Variants in FCHSD2 observed in about 807,000 individuals in gnomAD.
FCHSD2 encodes FCH and double SH3 domains 2, also known as F-BAR and double SH3 domains protein 2.
A neutral mutation model predicts 108.1 loss-of-function variants in FCHSD2; 38 were observed. The observed-to-expected ratio is 0.35, with a 90% CI of 0.27 to 0.46. The LOEUF (loss-of-function observed/expected upper bound fraction) is 0.46, where lower values mean the gene tolerates loss of function less well. FCHSD2 is among the 20% of genes least tolerant of loss of function. FCHSD2 has a pLI of 1.00. For missense variants in FCHSD2, 751 were observed against 897.8 expected (o/e 0.84, Z 2.09); for synonymous variants, 279 against 314.7 (o/e 0.89, Z 1.20).
chr11:73,101,283 T>G (rs1049370408), intron 2 of FCHSD2, among the ~76,000 whole-genome samples: 18 of 152,194 alleles, frequency 1.2e-4, no homozygotes, highest in African/African-American at 4.3e-4. Context: ...GCAAATCAGA[T>G]AAGTGCTAGA....
At chr11:72,915,956 T>G (rs117085272) in intron 9 of FCHSD2, among the ~76,000 whole-genome samples, 3,375 of 152,216 alleles carry the variant, frequency 0.022, 62 homozygotes, top group Middle Eastern at 0.034. Context: ...CTTAGCAAAC[T>G]AATGTAGGAA....
chr11:73,087,542 T>G (rs1305180967), intron 2 of FCHSD2, among the ~76,000 whole-genome samples: 1 of 151,778 alleles, frequency 6.6e-6, no homozygotes, highest in Non-Finnish European at 1.5e-5. Context: ...CCATCTCTAC[T>G]AAACATACAA....
intron 3 of FCHSD2, among the ~76,000 whole-genome samples, chr11:73,035,177 TGTATGTATGTATGTATGTATGTATGTAC>T (rs1364282912): frequency 2.0e-4 from 26 of 132,758 alleles, no homozygotes; most frequent in African/African-American, 6.1e-4. Context: ...TATGTATGTA[TGTATGTATGTATGTATGTATGTATGTAC>T]GTACTAAGAC....
At chr11:73,123,061 A>G (rs981766708) in intron 2 of FCHSD2, among the ~76,000 whole-genome samples, 95 of 152,350 alleles carry the variant, frequency 6.2e-4, no homozygotes, top group African/African-American at 2.1e-3. Context: ...TACATAGGTG[A>G]AGGATAAATC....
intron 2 of FCHSD2, among the ~76,000 whole-genome samples, chr11:73,102,742 T>G (rs568317288): frequency 2.6e-5 from 4 of 152,336 alleles, no homozygotes; most frequent in South Asian, 4.1e-4. Context: ...TGATAATGCA[T>G]CAAGAGCTTC....
chr11:73,055,032 T>C (rs1285877305), intron 3 of FCHSD2, among the ~76,000 whole-genome samples: 1 of 151,874 alleles, frequency 6.6e-6, no homozygotes, highest in East Asian at 1.9e-4. Flanking sequence ...CTCAAAATCA[T>C]GGGGGAAGGC....
At chr11:72,908,398 A>G (rs1365700994) in intron 9 of FCHSD2, among the ~76,000 whole-genome samples, 1 of 152,208 alleles carries the variant, frequency 6.6e-6, no homozygotes, top group Non-Finnish European at 1.5e-5. Flanking sequence ...GTGTATACCT[A>G]GCAGTGAGAT....
At chr11:73,127,629 G>C (rs1220801013) in intron 2 of FCHSD2, among the ~76,000 whole-genome samples, 1 of 152,114 alleles carries the variant, frequency 6.6e-6, no homozygotes, top group Non-Finnish European at 1.5e-5. Flanking sequence ...TCAACTTACA[G>C]GCCTCCTCAG....
chr11:72,899,790 T>C (rs1162243530), intron 10 of FCHSD2, among the ~76,000 whole-genome samples: 1 of 150,544 alleles, frequency 6.6e-6, no homozygotes, highest in Non-Finnish European at 1.5e-5. Context: ...TCTGGAATGA[T>C]TTTTTAAAAT....
chr11:72,850,001 C>G (rs1185162165), intron 13 of FCHSD2, 112 bp from the exon 14 acceptor site: 1 of 734,114 alleles, frequency 1.4e-6, no homozygotes, highest in Admixed American at 2.9e-5. Context: ...CCTTTTAACT[C>G]TGCATAGAAA....
At chr11:72,873,446 TTTA>T (rs1854905368) in intron 12 of FCHSD2, among the ~76,000 whole-genome samples, 1 of 152,230 alleles carries the variant, frequency 6.6e-6, no homozygotes, top group Admixed American at 6.5e-5. Context: ...TTTTTGCCTT[TTTA>T]TTATTATGAG....
chr11:72,932,210 G>A (rs556337846), intron 8 of FCHSD2, among the ~76,000 whole-genome samples: 2 of 152,152 alleles, frequency 1.3e-5, no homozygotes, highest in East Asian at 1.9e-4. Context: ...CCCTCCTCCT[G>A]ATCTCCACAG....
At chr11:72,915,002 A>C (rs961735139) in intron 9 of FCHSD2, among the ~76,000 whole-genome samples, 4 of 143,288 alleles carry the variant, frequency 2.8e-5, no homozygotes, top group African/African-American at 1.0e-4. Flanking sequence ...AGCATCTGAC[A>C]AAGGTCTAAT....
At chr11:73,043,704 T>C (rs1419173144) in intron 3 of FCHSD2, among the ~76,000 whole-genome samples, 2 of 152,218 alleles carry the variant, frequency 1.3e-5, no homozygotes, top group Non-Finnish European at 2.9e-5. Context: ...TGTGACTATG[T>C]GACTGAGTTT....
chr11:73,084,443 T>G (rs556053624), intron 2 of FCHSD2, among the ~76,000 whole-genome samples: 3 of 152,176 alleles, frequency 2.0e-5, no homozygotes, highest in Non-Finnish European at 4.4e-5. Context: ...TAGGCTTGAG[T>G]GCGGCGGTGA....
intron 3 of FCHSD2, among the ~76,000 whole-genome samples, chr11:73,030,197 T>C (rs187068617): frequency 6.6e-6 from 1 of 152,256 alleles, no homozygotes; most frequent in Admixed American, 6.5e-5. Flanking sequence ...TTCCTATGTA[T>C]ATGTATGCGT....
At chr11:72,869,432 G>A (rs1029308642) in intron 12 of FCHSD2, 2 of 151,804 alleles carry the variant, frequency 1.3e-5, no homozygotes, top group Non-Finnish European at 2.9e-5. Context: ...GAGGGTTGGG[G>A]GGAGGGAAGA....
intron 3 of FCHSD2, among the ~76,000 whole-genome samples, chr11:73,024,843 C>T (rs570777213): frequency 1.8e-4 from 27 of 152,156 alleles, no homozygotes; most frequent in East Asian, 5.8e-4. Context: ...CATGAACAGA[C>T]GCTTTTCAAA....
At chr11:73,077,035 G>A (rs1039663323) in intron 3 of FCHSD2, among the ~76,000 whole-genome samples, 4 of 150,420 alleles carry the variant, frequency 2.7e-5, no homozygotes, top group African/African-American at 4.9e-5. Flanking sequence ...GCATGAACCC[G>A]GGAGGCGGAG....
Sources: allele counts gnomAD v4.1 joint callset (sites outside exome capture counted in the v4.1 genomes callset), GRCh38; gene constraint gnomAD v4.1.1; transcripts MANE v1.5; gene names NCBI Gene and HGNC (gene_info 2026-07-23, HGNC 2026-07-21).